PAQR9: variants seen among roughly 807,000 people sequenced by gnomAD.
The protein encoded by PAQR9 is membrane progestin receptor epsilon.
A neutral mutation model predicts 24.0 loss-of-function variants in PAQR9; 12 were observed. That is an observed-to-expected ratio of 0.50 (90% confidence interval 0.32 to 0.81). The LOEUF (loss-of-function observed/expected upper bound fraction) is 0.81. PAQR9 is among the 30% of genes least tolerant of loss of function. The pLI is 0.03. For synonymous variants in PAQR9, 266 were observed against 237.6 expected, an observed-to-expected ratio of 1.12 and a Z score of -1.10; for missense variants, 418 against 520.8, an observed-to-expected ratio of 0.80 and a Z score of 1.92.
At chr3:142,949,774 T>G (rs985472441), downstream of PAQR9, 12 of 152,186 alleles carry the variant, frequency 7.9e-5, no homozygotes, top group Non-Finnish European at 1.8e-4. Flanking sequence ...AGCTGCAGAG[T>G]TTGAGTGGGT....
downstream of PAQR9, among the ~76,000 whole-genome samples, chr3:142,952,175 G>C (rs780021984): frequency 2.0e-5 from 3 of 152,104 alleles, no homozygotes; most frequent in Non-Finnish European, 4.4e-5. Context: ...AGAAGTAGTT[G>C]ATGAACATAC....
chr3:142,953,714 A>G (rs781255837), downstream of PAQR9, among the ~76,000 whole-genome samples: 3 of 152,158 alleles, frequency 2.0e-5, no homozygotes, highest in African/African-American at 7.2e-5. Flanking sequence ...TCTGCCCATC[A>G]TCCCTTCCTG....
chr3:142,951,704 A>T, downstream of PAQR9: 1 of 456,608 alleles, frequency 2.2e-6, no homozygotes, highest in Non-Finnish European at 4.4e-6. Flanking sequence ...AAGTGGCAGA[A>T]CCAGGAAGCC....
Position 142,957,574 on chromosome 3 carries a change from T to C in PAQR9, c.*4629A>G, listed in dbSNP as rs530760973. Reference sequence around the variant, plus strand: ...CCTTCTTATGTATGTGATTGGTTTGTTTGTTTGTTTTATTACACTATAAAA... The same window carrying C: ...CCTTCTTATGTATGTGATTGGTTTGCTTGTTTGTTTTATTACACTATAAAA... On this transcript the variant is annotated 3_prime_UTR_variant, in exon 1 of 1. Coordinates refer to ENST00000340634, the MANE Select transcript of PAQR9 (RefSeq NM_198504.4). 6.6e-6 allele frequency among the ~76,000 whole-genome samples: 1 copy of C among 151,420 alleles called. No homozygotes were observed.
chr3:142,963,739 A>C, upstream of PAQR9: 3 of 887,778 alleles, frequency 3.4e-6, no homozygotes, highest in Non-Finnish European at 2.7e-6. Flanking sequence ...GGGATGTGCG[A>C]GCCGAGGCGC....
chr3:142,963,580 T>C lies in PAQR9; in HGVS notation c.-244A>G, dbSNP rs1169579706. The C allele has an allele frequency of 2.2e-6, 2 of 922,628 alleles. No individual in the cohort carries two copies. Among genetic ancestry groups the C allele is most frequent in the Non-Finnish European group, 1.3e-6 (1 of 773,498 alleles). The allele number at this position is 922,628 out of a possible 1,614,324, so 57.2% of individuals were successfully genotyped here. ...GCGGAGCGCGCGAGGCTCAGCGGCT[T>C]CCTCGCCAAGCCCCTGCTACCGGCG... On this transcript the variant is annotated 5_prime_UTR_variant, in exon 1 of 1. Coordinates refer to ENST00000340634, the MANE Select transcript of PAQR9 (RefSeq NM_198504.4).
rs1411134621 is a variant in PAQR9, at chr3:142,957,299, A to G, written c.*4904T>C. Reference sequence around the variant, plus strand: ...ACCCTGGGAGTTCACATGCTTTTCTAAGGACAAAATTTAAAACTCAGGCTG... The same window carrying G: ...ACCCTGGGAGTTCACATGCTTTTCTGAGGACAAAATTTAAAACTCAGGCTG... On this transcript the variant is annotated 3_prime_UTR_variant, in exon 1 of 1. Coordinates refer to ENST00000340634, the MANE Select transcript of PAQR9 (RefSeq NM_198504.4). Among the ~76,000 whole-genome samples the G allele has an allele frequency of 6.6e-6, 1 of 152,164 alleles. No homozygotes were observed. The highest frequency in any genetic ancestry group is 1.5e-5 in the Non-Finnish European group (1 of 68,014).
Position 142,955,115 on chromosome 3 carries a change from ACT to A in PAQR9, c.*7086_*7087del, listed in dbSNP as rs1367140130. Among the ~76,000 whole-genome samples, 2 of 152,148 alleles carry A rather than the reference ACT, an allele frequency of 1.3e-5. No homozygotes were observed. Among genetic ancestry groups the A allele is most frequent in the African/African-American group, 4.8e-5 (2 of 41,424 alleles). On this transcript the variant is annotated 3_prime_UTR_variant, in exon 1 of 1. Coordinates refer to ENST00000340634, the MANE Select transcript of PAQR9 (RefSeq NM_198504.4). ...GACACATGAAGGTCTCTATTTGATCACTGTTAACTCTTCCCTCTGCCTCTGAC... is the reference window on the plus strand; with the variant it reads ...GACACATGAAGGTCTCTATTTGATCAGTTAACTCTTCCCTCTGCCTCTGAC...
chr3:142,963,630 G>A lies in PAQR9; in HGVS notation c.-294C>T. The A allele has an allele frequency of 7.2e-6, 5 of 697,504 alleles. No homozygotes were observed. Among genetic ancestry groups the A allele is most frequent in the Non-Finnish European group, 8.8e-6 (5 of 569,212 alleles). 43.2% of individuals were successfully genotyped at this position (697,504 alleles called of 1,614,324 possible). On this transcript the variant is annotated 5_prime_UTR_variant, in exon 1 of 1. Coordinates refer to ENST00000340634, the MANE Select transcript of PAQR9 (RefSeq NM_198504.4). ...GCGCGGCCGCCCGCGCTGCGGCAGC[G>A]GCGGCGGCGCGGCTGACTGCGGCGG...
In PAQR9 at chr3:142,958,030, T is replaced by C. The variant is rs1934821726; in HGVS notation, c.*4173A>G. On this transcript the variant is annotated 3_prime_UTR_variant, in exon 1 of 1. Transcript: ENST00000340634. ...GAAGACAAAAGGGTAATGGCTGTAA[T>C]AATACGGATGGGTCCTTGCCCAATG... Among the ~76,000 whole-genome samples the C allele has an allele frequency of 6.6e-6, 1 of 152,190 alleles. No homozygotes were observed. The highest frequency in any genetic ancestry group is 1.5e-5 in the Non-Finnish European group (1 of 68,040).
downstream of PAQR9, among the ~76,000 whole-genome samples, chr3:142,952,263 G>A (rs1231358594): frequency 6.6e-6 from 1 of 151,626 alleles, no homozygotes; most frequent in Non-Finnish European, 1.5e-5. Flanking sequence ...AGGAGAGGGT[G>A]GGAGTGGTAG....
downstream of PAQR9, among the ~76,000 whole-genome samples, chr3:142,954,162 T>C (rs1934758381): frequency 6.6e-6 from 1 of 152,214 alleles, no homozygotes; most frequent in African/African-American, 2.4e-5. Flanking sequence ...AGAGTTGAAG[T>C]TGGATCTCCC....
In PAQR9 at chr3:142,959,126, G is replaced by A. The variant is rs1934844943; in HGVS notation, c.*3077C>T. On this transcript the variant is annotated 3_prime_UTR_variant, in exon 1 of 1. Transcript: ENST00000340634. ...CCAAAATAGGTTGTACATAGATAAT[G>A]GACTGAATTCTTATTTATAATTTGT... is the stretch of plus-strand genomic sequence containing the variant. 3.9e-5 allele frequency among the ~76,000 whole-genome samples: 6 copies of A among 152,248 alleles called. No individual in the cohort carries two copies. In the South Asian group the frequency reaches 1.2e-3, roughly 32 times the overall value.
rs1560158464 is a variant in PAQR9, at chr3:142,957,173, A to G, written c.*5030T>C. Among the ~76,000 whole-genome samples the G allele has an allele frequency of 6.6e-6, 1 of 152,234 alleles. No individual in the cohort carries two copies. The highest frequency in any genetic ancestry group is 6.5e-5 in the Admixed American group (1 of 15,272). Reference sequence around the variant, plus strand: ...GGGCTTTAAGCCAGGAGATAAATGTACCACTCAAAATATACCTGGACACTC... The same window carrying G: ...GGGCTTTAAGCCAGGAGATAAATGTGCCACTCAAAATATACCTGGACACTC... On this transcript the variant is annotated 3_prime_UTR_variant, in exon 1 of 1. Coordinates refer to ENST00000340634, the MANE Select transcript of PAQR9 (RefSeq NM_198504.4).
In PAQR9 at chr3:142,957,703, T is replaced by C. The variant is rs1314470590; in HGVS notation, c.*4500A>G. 6.6e-6 allele frequency among the ~76,000 whole-genome samples: 1 copy of C among 152,222 alleles called. No individual in the cohort carries two copies. The highest frequency in any genetic ancestry group is 1.5e-5 in the Non-Finnish European group (1 of 68,036). The stretch of plus-strand genomic sequence containing the variant: ...CCAATAGTTATCGTTATTAGTGTTT[T>C]CATAATATTAGTGATAAGTTTTTCA... On this transcript the variant is annotated 3_prime_UTR_variant, in exon 1 of 1. Coordinates refer to ENST00000340634, the MANE Select transcript of PAQR9 (RefSeq NM_198504.4).
Position 142,962,398 on chromosome 3 carries a change from G to A in PAQR9, c.939C>T (p.Leu313=). 4.3e-6 allele frequency: 7 copies of A among 1,614,198 alleles called. No homozygotes were observed. Among genetic ancestry groups the A allele is most frequent in the Non-Finnish European group, 5.9e-6 (7 of 1,180,030 alleles). The change falls in exon 1 of 1, where the codon CTC becomes CTT. Residue 313 remains leucine (L), a synonymous_variant. Coordinates refer to ENST00000340634, the MANE Select transcript of PAQR9 (RefSeq NM_198504.4). The part of the protein sequence containing the change: ...LFDIIGHSHQ[L]FHIFTFLSIY... The stretch of plus-strand genomic sequence containing the variant: ...TGCTGAGGAAGGTGAAGATGTGGAA[G>A]AGCTGGTGGCTGTGGCCGATAATGT...
chr3:142,952,054 G>GA (rs1553825971), downstream of PAQR9, among the ~76,000 whole-genome samples: 3 of 149,162 alleles, frequency 2.0e-5, no homozygotes, highest in South Asian at 4.4e-4. Flanking sequence ...AGAAGGGGGG[G>GA]GGGTGTTGTT....
chr3:142,963,700 C>G, upstream of PAQR9: 1 of 698,820 alleles, frequency 1.4e-6, no homozygotes, highest in Non-Finnish European at 1.8e-6. Flanking sequence ...CGGGTGCCTC[C>G]GCCGCCGCCG....
chr3:142,963,768 A>T, upstream of PAQR9: 2 of 961,050 alleles, frequency 2.1e-6, no homozygotes, highest in Non-Finnish European at 2.5e-6. Context: ...GGACGGGCGC[A>T]CCGAGGAAGG....
Sources: gnomAD v4.1 joint callset for allele counts (sites outside exome capture counted in the v4.1 genomes callset) on GRCh38, gnomAD v4.1.1 for gene constraint, MANE v1.5 for transcripts, NCBI Gene and HGNC (gene_info 2026-07-23, HGNC 2026-07-21) for gene names.